The following DIP2C variants were observed in gnomAD, a reference collection of about 807,000 sequenced individuals.
DIP2C encodes the protein DIP2 acetate--CoA ligase C (putative), also known as disco-interacting protein 2 homolog C.
DIP2C carries 33 observed loss-of-function variants against 192.4 expected under a neutral mutation model. That is an observed-to-expected ratio of 0.17 (90% confidence interval 0.13 to 0.23). The LOEUF is 0.23. DIP2C is among the 10% of genes least tolerant of loss of function. DIP2C has a pLI of 1.00. For synonymous variants in DIP2C, 979 were observed against 864.1 expected (o/e 1.13, Z -2.33); for missense variants, 1,537 against 2,110.1 (o/e 0.73, Z 5.32).
chr10:326,860 C>G, intron 31 of DIP2C, 146 bp downstream of exon 31: 2 of 951,630 alleles, frequency 2.1e-6, no homozygotes, highest in Non-Finnish European at 3.0e-6. Context: ...AAACAGAGAT[C>G]TGCACCAACC....
chr10:296,857 G>A (rs1422529354), intron 32 of DIP2C, among the ~76,000 whole-genome samples: 1 of 131,878 alleles, frequency 7.6e-6, no homozygotes, highest in South Asian at 2.5e-4. Flanking sequence ...TTGGACACAG[G>A]AAGGGGAACA....
rs567792994 is a variant in DIP2C, at chr10:387,129, A to G, written c.1662+616T>C. On this transcript the variant is annotated intron_variant, in intron 14 of 36. Transcript: ENST00000280886. ...AACCAGATGTACGGGACAGTAGCCC[A>G]CACACGAACCAACCTTTGACGTTAT... 5.9e-5 allele frequency among the ~76,000 whole-genome samples: 9 copies of G among 152,360 alleles called. No individual in the cohort carries two copies. The South Asian group carries it at 1.0e-3, about 18-fold the overall frequency.
intron 24 of DIP2C, among the ~76,000 whole-genome samples, chr10:355,537 C>T (rs906970691): frequency 1.3e-5 from 2 of 152,206 alleles, no homozygotes; most frequent in African/African-American, 4.8e-5. Flanking sequence ...TTACATTTTT[C>T]TTCCATTTTT....
intron 1 of DIP2C, among the ~76,000 whole-genome samples, chr10:503,702 C>CAAACACCGAGTTAACGTTTGCTGG (rs1845404531): frequency 6.6e-6 from 1 of 152,150 alleles, no homozygotes; most frequent in Non-Finnish European, 1.5e-5. Context: ...TCTGCTGTGC[C>CAAACACCGAGTTAACGTTTGCTGG]AAACACCGAG....
At chr10:531,965 CAG>C (rs1198234677) in intron 1 of DIP2C, among the ~76,000 whole-genome samples, 3 of 152,194 alleles carry the variant, frequency 2.0e-5, no homozygotes, top group South Asian at 2.1e-4. Flanking sequence ...TATAGATAAA[CAG>C]AGAACACAGG....
chr10:656,258 G>A (rs1465803149), intron 1 of DIP2C, among the ~76,000 whole-genome samples: 3 of 151,944 alleles, frequency 2.0e-5, no homozygotes, highest in Admixed American at 6.5e-5. Context: ...CCTATATAAC[G>A]CTATACCATT....
intron 1 of DIP2C, among the ~76,000 whole-genome samples, chr10:620,287 C>T (rs1409434698): frequency 6.6e-6 from 1 of 152,164 alleles, no homozygotes; most frequent in Non-Finnish European, 1.5e-5. Flanking sequence ...CTACAACTAT[C>T]AATGTGTAAA....
In DIP2C at chr10:390,794, C is replaced by T. The variant is rs762530934; in HGVS notation, c.1330G>A (p.Ala444Thr). 11 of 1,611,750 alleles carry T rather than the reference C, an allele frequency of 6.8e-6. No individual in the cohort carries two copies. Among genetic ancestry groups the T allele is most frequent in the Middle Eastern group, 1.6e-4 (1 of 6,070 alleles). The change falls in exon 11 of 37, where the codon GCC (alanine) becomes ACC (threonine). Residue 444 changes from alanine (A) to threonine (T), a missense_variant. Physicochemically the swap from Ala to Thr is moderately conservative, Grantham distance 58 (BLOSUM62 0). Transcript: ENST00000280886. ...CGVTVALTSD[A>T]CHKGLPKSPT... ...CTTTTTGGAAGTCCTTTATGGCAGG[C>T]GTCACTAGTCAAGGCTACAGTAACT...
chr10:515,920 T>A lies in DIP2C; in HGVS notation c.86-29390A>T, dbSNP rs76788189. Among the ~76,000 whole-genome samples, 933 of 152,012 alleles carry A rather than the reference T, an allele frequency of 6.1e-3. 5 individuals are homozygous for A. The highest frequency in any genetic ancestry group is 0.01 in the Non-Finnish European group (710 of 67,990). ...CTCCTGGGACCCAATAACACTGAAC[T>A]AGCAAGATTAACAGGCCACACACGG... On this transcript the variant is annotated intron_variant, in intron 1 of 36. Transcript: ENST00000280886.
chr10:406,083 G>T (rs998825572), intron 9 of DIP2C, among the ~76,000 whole-genome samples: 2 of 152,130 alleles, frequency 1.3e-5, no homozygotes, highest in Non-Finnish European at 2.9e-5. Flanking sequence ...CATCTTAGAG[G>T]AACACAGGAG....
intron 1 of DIP2C, among the ~76,000 whole-genome samples, chr10:600,200 C>T (rs1483748462): frequency 1.3e-5 from 2 of 152,180 alleles, no homozygotes; most frequent in African/African-American, 4.8e-5. Flanking sequence ...ACCGGCAGAG[C>T]CACCCCAAGC....
Position 384,538 on chromosome 10 carries a change from A to T in DIP2C, c.1756+8T>A, listed in dbSNP as rs760218189. The T allele has an allele frequency of 1.2e-5, 19 of 1,613,386 alleles. No homozygotes were observed. The highest frequency in any genetic ancestry group is 1.6e-5 in the Non-Finnish European group (19 of 1,179,946). On this transcript the variant is annotated splice_region_variant and intron_variant, in intron 15 of 36. Coordinates refer to ENST00000280886, the MANE Select transcript of DIP2C (RefSeq NM_014974.3). Reference sequence around the variant, plus strand: ...CAGGTGTGAGCCACTGCGCCCGGCGAGACCCACCTTTGTACTGGCAGACCT... The same window carrying T: ...CAGGTGTGAGCCACTGCGCCCGGCGTGACCCACCTTTGTACTGGCAGACCT...
chr10:286,400 T>A, intron 33 of DIP2C, 53 bp from the exon 34 acceptor site: 2 of 1,524,312 alleles, frequency 1.3e-6, no homozygotes, highest in South Asian at 2.2e-5. Context: ...AGGGAGAGAC[T>A]ACACACAAGC....
chr10:566,451 C>G (rs903416745), intron 1 of DIP2C, among the ~76,000 whole-genome samples: 1 of 152,220 alleles, frequency 6.6e-6, no homozygotes, highest in Non-Finnish European at 1.5e-5. Context: ...CCTTTCCTCT[C>G]GAGTAGCACA....
chr10:507,217 T>C (rs796587662), intron 1 of DIP2C, among the ~76,000 whole-genome samples: 1 of 150,952 alleles, frequency 6.6e-6, no homozygotes, highest in Non-Finnish European at 1.5e-5. Flanking sequence ...AGGGACCTGG[T>C]CACCCGCTGT....
chr10:597,402 C>G (rs930841504), intron 1 of DIP2C, among the ~76,000 whole-genome samples: 2 of 152,160 alleles, frequency 1.3e-5, no homozygotes, highest in African/African-American at 4.8e-5. Flanking sequence ...CTAAGCTGCC[C>G]CTAGAAGTGG....
intron 4 of DIP2C, among the ~76,000 whole-genome samples, chr10:426,700 T>C (rs968560947): frequency 1.3e-5 from 2 of 152,210 alleles, no homozygotes; most frequent in Non-Finnish European, 2.9e-5. Context: ...AAGTCTTATA[T>C]TTACGGTCAA....
At chr10:679,541 CCCCGCACCCATCCTCCCCGCACCCA>C (rs1831047600) in intron 1 of DIP2C, among the ~76,000 whole-genome samples, 6 of 27,924 alleles carry the variant, frequency 2.1e-4, no homozygotes, top group Non-Finnish European at 4.2e-4. Context: ...CGCCCATGCT[CCCCGCACCCATCCTCCCCGCACCCA>C]TCCTCCCCCC....
intron 1 of DIP2C, among the ~76,000 whole-genome samples, chr10:584,363 C>T: frequency 6.6e-6 from 1 of 152,158 alleles, no homozygotes; most frequent in East Asian, 1.9e-4. Flanking sequence ...TGACAGATTC[C>T]AAATCTCGGA....
Sources: gnomAD v4.1 joint callset for allele counts (sites outside exome capture counted in the v4.1 genomes callset) on GRCh38, gnomAD v4.1.1 for gene constraint, MANE v1.5 for transcripts, NCBI Gene and HGNC (gene_info 2026-07-23, HGNC 2026-07-21) for gene names.